ERC2: variants seen among roughly 807,000 people sequenced by gnomAD.
The protein encoded by ERC2 is ERC protein 2.
A neutral mutation model predicts 114.8 loss-of-function variants in ERC2; 42 were observed. The observed-to-expected ratio is 0.37, with a 90% CI of 0.29 to 0.47. The LOEUF (loss-of-function observed/expected upper bound fraction) is 0.47. ERC2 is among the 20% of genes least tolerant of loss of function. The pLI is 0.99. For synonymous variants in ERC2, 454 were observed against 425.5 expected (o/e 1.07, Z -0.82); for missense variants, 939 against 1,150.7 (o/e 0.82, Z 2.66).
At chr3:56,165,680 T>C (rs1321095781) in intron 4 of ERC2, among the ~76,000 whole-genome samples, 1 of 152,038 alleles carries the variant, frequency 6.6e-6, no homozygotes, top group African/African-American at 2.4e-5. Flanking sequence ...CTTATATATT[T>C]GGGGTTTTTT....
chr3:55,867,498 C>A (rs1196878741), intron 14 of ERC2, among the ~76,000 whole-genome samples: 2 of 152,102 alleles, frequency 1.3e-5, no homozygotes, highest in African/African-American at 2.4e-5. Flanking sequence ...GGAGGGGAAG[C>A]ATTTATTTTA....
At chr3:55,901,568 A>G (rs1400521979) in intron 13 of ERC2, among the ~76,000 whole-genome samples, 1 of 152,182 alleles carries the variant, frequency 6.6e-6, no homozygotes, top group Non-Finnish European at 1.5e-5. Flanking sequence ...CCTCACATCA[A>G]ATCCATCTCA....
rs148537363 is a variant in ERC2 at position 55,572,661 on chromosome 3, G to A, written c.*40-61385C>T. Among the ~76,000 whole-genome samples the A allele has an allele frequency of 5.1e-3, 784 of 152,308 alleles. 4 individuals carry two copies. Among genetic ancestry groups the A allele is most frequent in the Admixed American group, 0.011 (168 of 15,306 alleles). On this transcript the variant is annotated intron_variant, in intron 17 of 17. Coordinates refer to ENST00000288221, the MANE Select transcript of ERC2 (RefSeq NM_015576.3). Reference sequence around the variant, plus strand: ...GAACACAGATTCTGACTGGGGCTGGGGGACTTGCCTAAGGTCACATAGTGA... The same window carrying A: ...GAACACAGATTCTGACTGGGGCTGGAGGACTTGCCTAAGGTCACATAGTGA...
chr3:55,664,259 T>C (rs2061263926), intron 17 of ERC2, among the ~76,000 whole-genome samples: 1 of 152,114 alleles, frequency 6.6e-6, no homozygotes, highest in African/African-American at 2.4e-5. Context: ...TTAACAAGTT[T>C]ATAGGTGGTT....
intron 17 of ERC2, among the ~76,000 whole-genome samples, chr3:55,598,565 A>C (rs148960268): frequency 2.0e-5 from 3 of 152,244 alleles, no homozygotes. Flanking sequence ...ATTCTTTTGC[A>C]CTGCTTTGCA....
intron 2 of ERC2, among the ~76,000 whole-genome samples, chr3:56,414,136 G>T (rs988302177): frequency 6.6e-6 from 1 of 152,116 alleles, no homozygotes; most frequent in Non-Finnish European, 1.5e-5. Flanking sequence ...CTCCTCCCCC[G>T]CAAAGCATGT....
chr3:55,730,164 A>G (rs1025854640), intron 15 of ERC2, among the ~76,000 whole-genome samples: 6 of 152,136 alleles, frequency 3.9e-5, no homozygotes, highest in African/African-American at 1.4e-4. Flanking sequence ...GCCTAGCCAC[A>G]AGCAAGGTCT....
intron 17 of ERC2, among the ~76,000 whole-genome samples, chr3:55,656,904 T>A (rs907363288): frequency 6.6e-6 from 1 of 152,172 alleles, no homozygotes; most frequent in African/African-American, 2.4e-5. Flanking sequence ...AAGAATGGCA[T>A]CCTCAAAACT....
rs35299238 is a variant in ERC2 at position 55,980,106 on chromosome 3, G to GAAA, written c.2267+5868_2267+5870dup. On this transcript the variant is annotated intron_variant, in intron 12 of 17. Coordinates refer to ENST00000288221, the MANE Select transcript of ERC2 (RefSeq NM_015576.3). ...CTATGTTTGCACGAAGTGTAAATTA[G>GAAA]AAAAAAAAAAAAAAAAGCTTTTTGT... Among the ~76,000 whole-genome samples the GAAA allele has an allele frequency of 5.5e-3, 449 of 81,252 alleles. 3 individuals are homozygous for GAAA. The highest frequency in any genetic ancestry group is 0.016 in the African/African-American group (423 of 26,406). 53.3% of individuals were successfully genotyped at this position (81,252 alleles called of 152,430 possible).
At chr3:55,832,273 C>G (rs549426956) in intron 14 of ERC2, among the ~76,000 whole-genome samples, 10 of 152,354 alleles carry the variant, frequency 6.6e-5, no homozygotes, top group Admixed American at 1.3e-4. Flanking sequence ...CAGCACACAG[C>G]TGGAGATCTG....
At chr3:56,383,134 G>C (rs4974137) in intron 2 of ERC2, among the ~76,000 whole-genome samples, 152,236 of 152,236 alleles carry the variant, frequency 1, 76,118 homozygotes, top group Non-Finnish European at 1. Context: ...CTATCCTGGT[G>C]CAAGTCACCA....
chr3:55,734,750 C>A (rs1357479043), intron 15 of ERC2, 21 bp downstream of exon 15: 1 of 1,591,614 alleles, frequency 6.3e-7, no homozygotes, highest in Non-Finnish European at 8.6e-7. Context: ...AAAAACACAC[C>A]TGTCTTGCAG....
In ERC2 at chr3:56,339,924, C is replaced by T. The variant is rs116707035; in HGVS notation, c.658-43489G>A. Among the ~76,000 whole-genome samples, 945 of 152,216 alleles carry T rather than the reference C, an allele frequency of 6.2e-3. 10 individuals carry two copies. The highest frequency in any genetic ancestry group is 0.021 in the African/African-American group (890 of 41,522). On this transcript the variant is annotated intron_variant, in intron 2 of 17. Coordinates refer to ENST00000288221, the MANE Select transcript of ERC2 (RefSeq NM_015576.3). ...TCCGGGCTCATCTGCACGGACAAAA[C>T]GAGGATAACAAGATTAGTCTACATA...
chr3:55,787,700 C>T (rs1358070792), intron 14 of ERC2, among the ~76,000 whole-genome samples: 1 of 152,120 alleles, frequency 6.6e-6, no homozygotes, highest in African/African-American at 2.4e-5. Context: ...AGACCCAAAA[C>T]AGATCCCTAT....
In ERC2 at chr3:56,059,811, T is replaced by C. The variant is rs550693884; in HGVS notation, c.1641+21006A>G. On this transcript the variant is annotated intron_variant, in intron 7 of 17. Transcript: ENST00000288221. ...TATTGTCTTTTAGCTATTGTACAAC[T>C]TGGTAAACTGTAAATAACCGATGGC... Among the ~76,000 whole-genome samples, 4 of 152,358 alleles carry C rather than the reference T, an allele frequency of 2.6e-5. No individual in the cohort carries two copies. In the East Asian group the frequency reaches 7.7e-4, roughly 29 times the overall value.
chr3:55,902,381 C>T (rs906723275), intron 13 of ERC2, among the ~76,000 whole-genome samples: 4 of 152,112 alleles, frequency 2.6e-5, no homozygotes, highest in African/African-American at 9.7e-5. Context: ...TCCCTCCTCT[C>T]GGCGATTACT....
At chr3:56,104,033 A>C (rs1304405037) in intron 6 of ERC2, among the ~76,000 whole-genome samples, 1 of 152,242 alleles carries the variant, frequency 6.6e-6, no homozygotes, top group Non-Finnish European at 1.5e-5. Flanking sequence ...TGAATGAATT[A>C]ATGAATGAAC....
chr3:55,515,353 C>A (rs2107156061), intron 17 of ERC2, among the ~76,000 whole-genome samples: 1 of 151,728 alleles, frequency 6.6e-6, no homozygotes, highest in East Asian at 1.9e-4. Flanking sequence ...AAACTTTTCC[C>A]CTGTATTTAA....
intron 3 of ERC2, among the ~76,000 whole-genome samples, chr3:56,270,529 A>C (rs1453773414): frequency 6.6e-6 from 1 of 152,232 alleles, no homozygotes; most frequent in Non-Finnish European, 1.5e-5. Context: ...ACCAGAACTG[A>C]GATCTATCTG....
Sources: gnomAD v4.1 joint callset for allele counts (sites outside exome capture counted in the v4.1 genomes callset) on GRCh38, gnomAD v4.1.1 for gene constraint, MANE v1.5 for transcripts, NCBI Gene and HGNC (gene_info 2026-07-23, HGNC 2026-07-21) for gene names.